Variants in APOL3 observed in about 807,000 individuals in gnomAD.
APOL3 encodes apolipoprotein L3.
A neutral mutation model predicts 11.6 loss-of-function variants in APOL3; 14 were observed. The ratio of observed to expected loss-of-function variants is 1.21; its 90% confidence interval spans 0.80 to 1.89. The LOEUF (loss-of-function observed/expected upper bound fraction) is 1.89, where lower values mean the gene tolerates loss of function less well. Among genes scored for constraint, APOL3 ranks in the 40% most tolerant of loss-of-function variants. The probability of loss-of-function intolerance (pLI) is 0.00; values close to 1 mark genes in which losing one functional copy is unlikely to be tolerated. For missense variants in APOL3, 483 were observed against 492.1 expected, an observed-to-expected ratio of 0.98 and a Z score of 0.17; for synonymous variants, 192 against 190.6, an observed-to-expected ratio of 1.01 and a Z score of -0.06.
chr22:36,152,040 A>G (rs1458669428), intron 1 of APOL3, among the ~76,000 whole-genome samples: 1 of 152,180 alleles, frequency 6.6e-6, no homozygotes, highest in African/African-American at 2.4e-5. Flanking sequence ...AGGAAAACCA[A>G]GAGAGAAAAA....
intron 2 of APOL3, among the ~76,000 whole-genome samples, chr22:36,145,099 T>C (rs1429694232): frequency 6.6e-6 from 1 of 151,860 alleles, no homozygotes; most frequent in Non-Finnish European, 1.5e-5. Flanking sequence ...AAAGGTAACA[T>C]TAACGGAGCA....
At chr22:36,143,111 T>A (rs1016032204) in intron 2 of APOL3, among the ~76,000 whole-genome samples, 1 of 145,894 alleles carries the variant, frequency 6.9e-6, no homozygotes, top group Non-Finnish European at 1.5e-5. Flanking sequence ...TATTGGGAGC[T>A]GGGCTCAGTC....
chr22:36,158,539 G>A (rs892825031), intron 1 of APOL3, among the ~76,000 whole-genome samples: 7 of 152,156 alleles, frequency 4.6e-5, no homozygotes, highest in African/African-American at 1.4e-4. Flanking sequence ...TAAGGAATGC[G>A]CCTGGCACGG....
intron 1 of APOL3, among the ~76,000 whole-genome samples, chr22:36,148,183 G>A (rs1297639167): frequency 2.0e-5 from 3 of 152,094 alleles, no homozygotes; most frequent in African/African-American, 4.8e-5. Flanking sequence ...TTCAAAATTC[G>A]ATTGGACCTC....
chr22:36,154,546 T>C (rs1327107405), intron 1 of APOL3: 1 of 460,900 alleles, frequency 2.2e-6, no homozygotes, highest in African/African-American at 2.0e-5. Context: ...TATGTTCCTG[T>C]TCGTAAGTGT....
intron 1 of APOL3, chr22:36,149,483 G>T: frequency 1.0e-6 from 1 of 1,000,426 alleles, no homozygotes. Flanking sequence ...TTCTGACAAT[G>T]ACCTGGGCCT....
intron 1 of APOL3, chr22:36,153,293 T>C (rs2012118049): frequency 4.7e-6 from 2 of 425,406 alleles, no homozygotes; most frequent in Non-Finnish European, 9.5e-6. Context: ...ACCTCAATAA[T>C]GGTTTGGATT....
At chr22:36,162,538 G>A (rs1342325782), upstream of APOL3, among the ~76,000 whole-genome samples, 1 of 152,128 alleles carries the variant, frequency 6.6e-6, no homozygotes, top group African/African-American at 2.4e-5. Context: ...CTCAGACACA[G>A]CCCCAACCTC....
rs71193207 is a variant in APOL3, at chr22:36,145,980, T to TTCTCTC, written c.224-387_224-382dup. Among the ~76,000 whole-genome samples the TTCTCTC allele has an allele frequency of 2.4e-3, 283 of 118,692 alleles. 3 individuals are homozygous for TTCTCTC. Among genetic ancestry groups the TTCTCTC allele is most frequent in the African/African-American group, 6.2e-3 (215 of 34,762 alleles). The allele number at this position is 118,692 out of a possible 152,430, so 77.9% of individuals were successfully genotyped here. Reference sequence around the variant, plus strand: ...TCCAGCCCTCTCTCCCTGTCTCTCTTTCTCTCTCTCTCTCTCTCTCTCACA... The same window carrying TTCTCTC: ...TCCAGCCCTCTCTCCCTGTCTCTCTTTCTCTCTCTCTCTCTCTCTCTCTCTCTCACA... On this transcript the variant is annotated intron_variant, in intron 1 of 2. Coordinates refer to ENST00000349314, the Ensembl canonical transcript of APOL3.
intron 1 of APOL3, among the ~76,000 whole-genome samples, chr22:36,152,320 T>C (rs2011883979): frequency 2.0e-5 from 3 of 152,222 alleles, no homozygotes; most frequent in Admixed American, 6.5e-5. Flanking sequence ...TGTGCAACCA[T>C]ATTGTACAAC....
chr22:36,150,783 G>T (rs1308706024), intron 1 of APOL3, among the ~76,000 whole-genome samples: 1 of 152,226 alleles, frequency 6.6e-6, no homozygotes, highest in Non-Finnish European at 1.5e-5. Context: ...TACCCGGGAG[G>T]CTGAGGCAGG....
intron 2 of APOL3, among the ~76,000 whole-genome samples, chr22:36,143,722 A>C (rs1367903636): frequency 1.3e-5 from 2 of 152,188 alleles, no homozygotes; most frequent in Non-Finnish European, 2.9e-5. Context: ...CTGACCTGGC[A>C]CCTCCAAGCT....
At chr22:36,148,712 G>T (rs557486076) in intron 1 of APOL3, among the ~76,000 whole-genome samples, 4 of 152,268 alleles carry the variant, frequency 2.6e-5, no homozygotes, top group Admixed American at 2.6e-4. Context: ...TCAGCCCTCC[G>T]CACCTCCTGG....
chr22:36,145,564 A>G (rs760848203), exon 2 of APOL3: 6 of 1,613,942 alleles, frequency 3.7e-6, no homozygotes, highest in Non-Finnish European at 5.1e-6. Context: ...CTCTCCCGGA[A>G]GTATTTGGTG....
exon 2 of APOL3, chr22:36,145,562 G>C: frequency 6.2e-7 from 1 of 1,614,080 alleles, no homozygotes; most frequent in Non-Finnish European, 8.5e-7. Flanking sequence ...CTCTCTCCCG[G>C]AAGTATTTGG....
intron 1 of APOL3, chr22:36,159,165 C>T (rs1038255463): frequency 5.3e-5 from 8 of 152,234 alleles, no homozygotes; most frequent in African/African-American, 1.7e-4. Context: ...CCCATGCAGG[C>T]CTCCAGCTCT....
chr22:36,140,442 T>C (rs905182785), exon 3 of APOL3: 1 of 152,246 alleles, frequency 6.6e-6, no homozygotes, highest in African/African-American at 2.4e-5. Context: ...TTCTGTCTCT[T>C]TGCCTGCTGT....
At chr22:36,153,032 A>T (rs559471363) in intron 1 of APOL3, among the ~76,000 whole-genome samples, 1 of 152,104 alleles carries the variant, frequency 6.6e-6, no homozygotes, top group South Asian at 2.1e-4. Context: ...AATCGCTTGA[A>T]CCCAGGAGGT....
At chr22:36,158,970 T>C (rs1014261100) in intron 1 of APOL3, among the ~76,000 whole-genome samples, 7 of 123,644 alleles carry the variant, frequency 5.7e-5, no homozygotes, top group African/African-American at 1.7e-4. Flanking sequence ...AGTGTGCGTG[T>C]GTGTGTGTGT....
Sources: gnomAD v4.1 joint callset for allele counts (sites outside exome capture counted in the v4.1 genomes callset) on GRCh38, gnomAD v4.1.1 for gene constraint, MANE v1.5 for transcripts, NCBI Gene and HGNC (gene_info 2026-07-23, HGNC 2026-07-21) for gene names.